FPR3: variants seen among roughly 807,000 people sequenced by gnomAD.
FPR3 encodes formyl peptide receptor 3.
For missense variants in FPR3, 346 were observed against 443.2 expected, an observed-to-expected ratio of 0.78 and a Z score of 1.97; for synonymous variants, 135 against 163.6, an observed-to-expected ratio of 0.83 and a Z score of 1.34.
At chr19:51,801,352 AAC>A (rs1280258066) in intron 1 of FPR3, among the ~76,000 whole-genome samples, 1 of 152,096 alleles carries the variant, frequency 6.6e-6, no homozygotes, top group Non-Finnish European at 1.5e-5. Flanking sequence ...ACCAAATTGA[AAC>A]AGTTTTACAA....
At position 51,824,389 on chromosome 19, in the gene FPR3, T is replaced by C. The variant is rs374062397; in HGVS notation, c.641T>C (p.Met214Thr). Reference protein sequence around the residue: ...LHFIIGFSVPMSIITVCYGII... With the variant: ...LHFIIGFSVPTSIITVCYGII... ...TTCATTATTGGCTTCAGCGTGCCTATGTCCATCATCACAGTCTGCTATGGG... is the reference window on the plus strand; with the variant it reads ...TTCATTATTGGCTTCAGCGTGCCTACGTCCATCATCACAGTCTGCTATGGG... The change falls in exon 2 of 2, where the codon ATG becomes ACG. Residue 214 changes from methionine (M) to threonine (T), a missense_variant. Coordinates refer to ENST00000339223, the MANE Select transcript of FPR3 (RefSeq NM_002030.5). This position sits in a 1 kb window ranked among gnomAD's most constrained non-coding sequence, Gnocchi z 4.7. 109 of 1,614,164 alleles carry C rather than the reference T, an allele frequency of 6.8e-5. No individual in the cohort carries two copies. Among genetic ancestry groups the C allele is most frequent in the Non-Finnish European group, 9.1e-5 (107 of 1,180,024 alleles).
chr19:51,796,991 G>A (rs1047634134), intron 1 of FPR3, among the ~76,000 whole-genome samples: 11 of 152,146 alleles, frequency 7.2e-5, no homozygotes, highest in Non-Finnish European at 1.3e-4. Context: ...AGAAAACACC[G>A]TAAATTGGAC....
In FPR3 at chr19:51,824,776, C is replaced by T. The variant is rs549140038; in HGVS notation, c.1028C>T (p.Ser343Leu). The part of the protein sequence containing the change: ...QTSNTDTTSA[S>L]PPEETELQAM ...AGCAACACAGACACCACTTCTGCTT[C>T]ACCTCCTGAGGAGACGGAGTTACAA... Residue 343 changes from serine (S) to leucine (L), a missense_variant, in exon 2 of 2, where the codon TCA becomes TTA. Physicochemically the swap from Ser to Leu is moderately radical, Grantham distance 145. Transcript: ENST00000339223. This position sits in a 1 kb window ranked among gnomAD's most constrained non-coding sequence, Gnocchi z 4.7. 1.9e-6 allele frequency: 3 copies of T among 1,613,744 alleles called. No individual in the cohort carries two copies. Among genetic ancestry groups the T allele is most frequent in the South Asian group, 2.2e-5 (2 of 91,050 alleles).
intron 1 of FPR3, among the ~76,000 whole-genome samples, chr19:51,817,264 A>G (rs2084143910): frequency 6.6e-6 from 1 of 152,170 alleles, no homozygotes. Flanking sequence ...ACAGGACACC[A>G]TTGGTTTAAA....
chr19:51,820,552 C>T (rs2084180806), intron 1 of FPR3, among the ~76,000 whole-genome samples: 1 of 152,184 alleles, frequency 6.6e-6, no homozygotes, highest in South Asian at 2.1e-4. Context: ...CTGTCCCCAC[C>T]TGTCACTGCA....
At chr19:51,802,374 T>C (rs974453093) in intron 1 of FPR3, among the ~76,000 whole-genome samples, 1 of 152,176 alleles carries the variant, frequency 6.6e-6, no homozygotes, top group African/African-American at 2.4e-5. Context: ...GGGATATTTT[T>C]TAGCCCTTTC....
At chr19:51,817,244 T>C (rs1223756121) in intron 1 of FPR3, among the ~76,000 whole-genome samples, 2 of 152,184 alleles carry the variant, frequency 1.3e-5, no homozygotes, top group Non-Finnish European at 2.9e-5. Context: ...AAGCCTATTA[T>C]GTAAAAATCA....
chr19:51,817,516 GT>G (rs374226180), intron 1 of FPR3, among the ~76,000 whole-genome samples: 11 of 145,550 alleles, frequency 7.6e-5, no homozygotes, highest in South Asian at 2.2e-4. Flanking sequence ...AATCTGTTTT[GT>G]TTTTTTTTTT....
chr19:51,806,681 C>T (rs1265876991), intron 1 of FPR3, among the ~76,000 whole-genome samples: 1 of 152,186 alleles, frequency 6.6e-6, no homozygotes, highest in Admixed American at 6.5e-5. Flanking sequence ...ATAAGCAGGT[C>T]CATTGTCAAT....
intron 1 of FPR3, chr19:51,817,854 A>G (rs1307344309): frequency 6.6e-6 from 1 of 152,256 alleles, no homozygotes; most frequent in African/African-American, 2.4e-5. Flanking sequence ...GGGTCTGGCA[A>G]TCTAAAAATT....
chr19:51,817,074 G>C (rs2084142558), intron 1 of FPR3, among the ~76,000 whole-genome samples: 1 of 152,074 alleles, frequency 6.6e-6, no homozygotes, highest in South Asian at 2.1e-4. Flanking sequence ...TCCCACAGAA[G>C]GTTAGAGGTG....
chr19:51,815,895 G>A lies in FPR3; in HGVS notation c.-10-7844G>A, dbSNP rs181501198. ...AAGAAAAAAGAAAAAAGAAAAAGAAGAAGAAAAAGAAAAGAAAAGAAATTA... is the reference window on the plus strand; with the variant it reads ...AAGAAAAAAGAAAAAAGAAAAAGAAAAAGAAAAAGAAAAGAAAAGAAATTA... On this transcript the variant is annotated intron_variant, in intron 1 of 1. Coordinates refer to ENST00000339223, the MANE Select transcript of FPR3 (RefSeq NM_002030.5). Among the ~76,000 whole-genome samples, 955 of 142,434 alleles carry A rather than the reference G, an allele frequency of 6.7e-3. 14 individuals carry two copies. Among genetic ancestry groups the A allele is most frequent in the African/African-American group, 0.027 (915 of 33,580 alleles). 93.4% of individuals were successfully genotyped at this position (142,434 alleles called of 152,430 possible).
intron 1 of FPR3, among the ~76,000 whole-genome samples, chr19:51,821,437 T>C (rs4802873): frequency 0.48 from 73,298 of 151,860 alleles, 18,309 homozygotes; most frequent in African/African-American, 0.62. Context: ...AGGCCAGGGG[T>C]GTTGCTAAAT....
intron 1 of FPR3, among the ~76,000 whole-genome samples, chr19:51,806,358 A>G (rs774693084): frequency 5.9e-5 from 9 of 152,116 alleles, no homozygotes; most frequent in Non-Finnish European, 1.2e-4. Context: ...GGGCCTTTCC[A>G]TTGTCCTTCT....
At position 51,811,094 on chromosome 19, in the gene FPR3, A is replaced by T. The variant is rs1216258351; in HGVS notation, c.-10-12645A>T. ...CAGATTCTTTCAGATTTTTAGATTC[A>T]GCCTGTTGTCCCACAGAATAATAAG... On this transcript the variant is annotated intron_variant, in intron 1 of 1. Transcript: ENST00000339223. Among the ~76,000 whole-genome samples, 3 of 119,518 alleles carry T rather than the reference A, an allele frequency of 2.5e-5. No individual in the cohort carries two copies. The South Asian group carries it at 8.2e-4, about 33-fold the overall frequency. The allele number at this position is 119,518 out of a possible 152,430, so 78.4% of individuals were successfully genotyped here.
At chr19:51,814,228 CG>C (rs1347635671) in intron 1 of FPR3, among the ~76,000 whole-genome samples, 3 of 152,258 alleles carry the variant, frequency 2.0e-5, no homozygotes, top group African/African-American at 7.2e-5. Flanking sequence ...TTGTTTCAGC[CG>C]GAGGACAATG....
intron 1 of FPR3, among the ~76,000 whole-genome samples, chr19:51,795,533 T>TTTTTTTG (rs2083992794): frequency 1.6e-5 from 2 of 126,186 alleles, no homozygotes; most frequent in Admixed American, 8.7e-5. Flanking sequence ...TTTTTTTTTT[T>TTTTTTTG]GATGGAGTCT....
At chr19:51,803,505 C>T (rs2084038317) in intron 1 of FPR3, among the ~76,000 whole-genome samples, 1 of 151,750 alleles carries the variant, frequency 6.6e-6, no homozygotes, top group African/African-American at 2.4e-5. Context: ...ACTCATTCTT[C>T]TCGTCTTCTC....
chr19:51,796,595 G>A (rs1568425809), intron 1 of FPR3, among the ~76,000 whole-genome samples: 1 of 152,174 alleles, frequency 6.6e-6, no homozygotes, highest in Non-Finnish European at 1.5e-5. Context: ...CGTGGAGATG[G>A]CAATGGCTCT....
Sources: gnomAD v4.1 joint callset for allele counts (sites outside exome capture counted in the v4.1 genomes callset) on GRCh38, gnomAD v4.1.1 for gene constraint, Gnocchi (gnomAD v3.1) non-coding constraint, MANE v1.5 for transcripts, NCBI Gene and HGNC (gene_info 2026-07-23, HGNC 2026-07-21) for gene names.